KDM2B: variants seen among roughly 807,000 people sequenced by gnomAD.
KDM2B encodes the protein lysine demethylase 2B, also known as lysine-specific demethylase 2B.
A neutral mutation model predicts 150.0 loss-of-function variants in KDM2B; 26 were observed. The ratio of observed to expected loss-of-function variants is 0.17; its 90% confidence interval spans 0.13 to 0.24. The LOEUF (loss-of-function observed/expected upper bound fraction) is 0.24, where lower values mean the gene tolerates loss of function less well. Among genes scored for constraint, KDM2B ranks in the 10% least tolerant of loss-of-function variants. KDM2B has a pLI of 1.00. For missense variants in KDM2B, 1,265 were observed against 1,816.9 expected (o/e 0.70, Z 5.52); for synonymous variants, 734 against 729.5 (o/e 1.01, Z -0.10).
At chr12:121,416,032 CAG>C in the KDM2B span, 2 of 686,718 alleles carry the variant, frequency 2.9e-6, no homozygotes, top group Non-Finnish European at 5.0e-6. Context: ...TTTCAGTGCC[CAG>C]AGGAATATAG....
rs1555285102 is a variant in KDM2B, at chr12:121,430,134, G to T, written c.*154C>A. On this transcript the variant is annotated 3_prime_UTR_variant, in exon 23 of 23. Transcript: ENST00000377071. The surrounding 1 kb of genome is among the most constrained non-coding windows in gnomAD (Gnocchi z 4.4). The stretch of plus-strand genomic sequence containing the variant: ...TGTCGGCTCACTCATCCCCCAAACG[G>T]GTGGTTGAACAGCTTCTCCCTTGGA... 1 of 1,614,048 alleles carries T rather than the reference G, an allele frequency of 6.2e-7. No individual in the cohort carries two copies. The highest frequency in any genetic ancestry group is 8.5e-7 in the Non-Finnish European group (1 of 1,179,914).
At chr12:121,437,615 A>G (rs555288354) in intron 22 of KDM2B, among the ~76,000 whole-genome samples, 11 of 152,288 alleles carry the variant, frequency 7.2e-5, no homozygotes, top group African/African-American at 2.4e-4. Flanking sequence ...AGTTTAAGGC[A>G]TTGTCTCAGG....
In KDM2B at chr12:121,524,616, A is replaced by C. The variant is rs1164620889; in HGVS notation, c.932-3516T>G. The C allele has an allele frequency of 1.9e-5, 8 of 410,478 alleles. No homozygotes were observed. The East Asian group carries it at 3.9e-4, about 20-fold the overall frequency. 25.4% of individuals were successfully genotyped at this position (410,478 alleles called of 1,614,324 possible). A position where few individuals can be genotyped will look rare whatever the true frequency, so the allele number is the denominator to read the frequency against. ...TGCTCACATCTGCTTCATTACCCAC[A>C]TGCCTCCCTCAGTAAGAAGGAGGTG... On this transcript the variant is annotated intron_variant, in intron 8 of 22. Coordinates refer to ENST00000377071, the MANE Select transcript of KDM2B (RefSeq NM_032590.5).
downstream of KDM2B, among the ~76,000 whole-genome samples, chr12:121,426,242 A>G (rs1162518467): frequency 1.3e-5 from 2 of 152,326 alleles, no homozygotes; most frequent in East Asian, 3.9e-4. Context: ...TGGCTTCTTT[A>G]TAGAAAGAGT....
intron 12 of KDM2B, among the ~76,000 whole-genome samples, chr12:121,490,144 C>A (rs1386012491): frequency 6.6e-6 from 1 of 152,152 alleles, no homozygotes; most frequent in African/African-American, 2.4e-5. Flanking sequence ...ATGGAACGGA[C>A]CAACTTCGGA....
intron 12 of KDM2B, among the ~76,000 whole-genome samples, chr12:121,460,422 A>G (rs983046234): frequency 6.6e-6 from 1 of 152,198 alleles, no homozygotes; most frequent in Non-Finnish European, 1.5e-5. Context: ...TTTTTGAGAC[A>G]GGGTCTCGCT....
chr12:121,419,883 CA>C, the KDM2B span: 1 of 176,978 alleles, frequency 5.7e-6, no homozygotes, highest in East Asian at 1.3e-4. Context: ...CTGCATCTTA[CA>C]GGCTCCAGTT....
chr12:121,554,068 C>CAA (rs1889718932), intron 4 of KDM2B, among the ~76,000 whole-genome samples: 1 of 151,196 alleles, frequency 6.6e-6, no homozygotes, highest in Non-Finnish European at 1.5e-5. Context: ...CACACACACA[C>CAA]ACACACACAC....
At chr12:121,504,012 T>C (rs868914466) in intron 11 of KDM2B, among the ~76,000 whole-genome samples, 1 of 152,230 alleles carries the variant, frequency 6.6e-6, no homozygotes, top group Non-Finnish European at 1.5e-5. Flanking sequence ...TCCTCTGTCC[T>C]GAGTTCTTGT....
At chr12:121,441,419 T>C (rs1026958973) in intron 19 of KDM2B, among the ~76,000 whole-genome samples, 186 bp from the exon 20 acceptor site, 7 of 152,092 alleles carry the variant, frequency 4.6e-5, no homozygotes, top group African/African-American at 1.7e-4. Flanking sequence ...CTAACAGCCA[T>C]GGCCTCCACT....
intron 10 of KDM2B, among the ~76,000 whole-genome samples, chr12:121,511,496 G>A (rs981212855): frequency 6.6e-6 from 1 of 152,016 alleles, no homozygotes; most frequent in Admixed American, 6.6e-5. Flanking sequence ...ATGTTGGCCA[G>A]GCTGATCTCG....
At chr12:121,488,999 G>A (rs1473695677) in intron 12 of KDM2B, among the ~76,000 whole-genome samples, 2 of 152,026 alleles carry the variant, frequency 1.3e-5, no homozygotes, top group Admixed American at 1.3e-4. Context: ...GAAGAGAGAG[G>A]GTTTCTCCAT....
chr12:121,424,274 T>C (rs1872400136), downstream of KDM2B: 1 of 152,704 alleles, frequency 6.5e-6, no homozygotes, highest in Non-Finnish European at 1.5e-5. Context: ...TACATTGTTT[T>C]GTATAGTGAA....
chr12:121,466,968 C>T (rs374434965), intron 12 of KDM2B, among the ~76,000 whole-genome samples: 3,209 of 148,548 alleles, frequency 0.022, 98 homozygotes, highest in South Asian at 0.15. Context: ...CCTGCCCGGG[C>T]CGGCTGCGGG....
intron 22 of KDM2B, among the ~76,000 whole-genome samples, chr12:121,433,678 A>T (rs1179299258): frequency 6.6e-6 from 1 of 152,260 alleles, no homozygotes; most frequent in Non-Finnish European, 1.5e-5. Context: ...TGAAATTGCT[A>T]TAAAATCCTA....
At chr12:121,433,345 G>A in intron 22 of KDM2B, 1 of 384,502 alleles carries the variant, frequency 2.6e-6, no homozygotes, top group South Asian at 1.9e-5. Context: ...CCAGCCTGTG[G>A]AGGAACATCA....
chr12:121,480,657 G>C (rs1270431265), intron 12 of KDM2B, among the ~76,000 whole-genome samples: 2 of 150,090 alleles, frequency 1.3e-5, no homozygotes, highest in African/African-American at 2.5e-5. Context: ...TGTAGTCCCA[G>C]GTACTCAGGA....
chr12:121,554,487 T>C (rs1555312396), intron 4 of KDM2B, among the ~76,000 whole-genome samples: 1 of 151,988 alleles, frequency 6.6e-6, no homozygotes, highest in East Asian at 1.9e-4. Context: ...CTCGGCTCAC[T>C]GCAACCTCTG....
the KDM2B span, chr12:121,420,173 G>A: frequency 7.0e-7 from 1 of 1,422,232 alleles, no homozygotes; most frequent in East Asian, 2.3e-5. Context: ...GAGCATCAAT[G>A]ACAAGGTTTT....
Sources: allele counts gnomAD v4.1 joint callset (sites outside exome capture counted in the v4.1 genomes callset), GRCh38; gene constraint gnomAD v4.1.1; non-coding constraint Gnocchi (gnomAD v3.1); transcripts MANE v1.5; gene names NCBI Gene and HGNC (gene_info 2026-07-23, HGNC 2026-07-21).